Variants in ESYT1 observed in about 807,000 individuals in gnomAD.
ESYT1 encodes the protein extended synaptotagmin 1.
A neutral mutation model predicts 154.2 loss-of-function variants in ESYT1; 116 were observed. The observed-to-expected ratio is 0.75, with a 90% CI of 0.65 to 0.88. ESYT1 has a LOEUF of 0.88. Ranked by LOEUF, ESYT1 falls within the 40% of genes least tolerant of loss-of-function variation. The pLI is 0.00. For synonymous variants in ESYT1, 500 were observed against 539.9 expected, an observed-to-expected ratio of 0.93 and a Z score of 1.02; for missense variants, 1,264 against 1,379.3, an observed-to-expected ratio of 0.92 and a Z score of 1.32.
At chr12:56,132,130 G>A in intron 7 of ESYT1, 79 bp from the exon 8 acceptor site, 1 of 1,604,124 alleles carries the variant, frequency 6.2e-7, no homozygotes, top group Non-Finnish European at 8.5e-7. Context: ...GGTCTCTCTT[G>A]GGTGTGGGAA....
In ESYT1 at chr12:56,132,568, C is replaced by T. The variant is rs1870283797; in HGVS notation, c.1132C>T (p.Leu378Phe). The change falls in exon 9 of 31, where the codon CTC becomes TTC. Residue 378 changes from leucine to phenylalanine, a missense_variant. Transcript: ENST00000394048. ...CTGCAGTCGTGTCATTGATGAAGAACTCAACCCACAGTGGGGAGAGACTTA... is the reference window on the plus strand; with the variant it reads ...CTGCAGTCGTGTCATTGATGAAGAATTCAACCCACAGTGGGGAGAGACTTA... ...TFCSRVIDEE[L>F]NPQWGETYEV... The T allele has an allele frequency of 6.2e-7, 1 of 1,614,074 alleles. No individual in the cohort carries two copies. The highest frequency in any genetic ancestry group is 1.3e-5 in the African/African-American group (1 of 74,924).
At chr12:56,137,123 C>T in intron 16 of ESYT1, 95 bp from the exon 17 acceptor site, 3 of 1,499,020 alleles carry the variant, frequency 2.0e-6, no homozygotes, top group Middle Eastern at 1.9e-4. Context: ...CACCTAGTTC[C>T]CCTGTCACAG....
chr12:56,128,550 C>A lies in ESYT1; in HGVS notation c.231C>A (p.Ser77Arg), dbSNP rs755886706. 2.5e-6 allele frequency: 4 copies of A among 1,613,522 alleles called. No individual in the cohort carries two copies. Among genetic ancestry groups the A allele is most frequent in the Non-Finnish European group, 3.4e-6 (4 of 1,179,774 alleles). Residue 77 changes from serine (S) to arginine (R), a missense_variant, in exon 1 of 31, where the codon AGC becomes AGA. By Grantham distance (110) the Ser-to-Arg change is moderately radical. Coordinates refer to ENST00000394048, the MANE Select transcript of ESYT1 (RefSeq NM_015292.3). The stretch of plus-strand genomic sequence containing the variant: ...ATTTGGCCGGGGCAGTGGGACTCAG[C>A]GTGGGTTTCGTGCTCTTCGGCCTCG... The part of the protein sequence containing the change: ...PVYLAGAVGL[S>R]VGFVLFGLAL...
In ESYT1 at chr12:56,128,697, G is replaced by A. The variant is rs1870105706; in HGVS notation, c.378G>A (p.Glu126=). The stretch of plus-strand genomic sequence containing the variant: ...AAACTCTCTATATGAGTCATCGAGA[G>A]CTACCTGCCTGGGTGAGCGACCACC... The part of the protein sequence containing the change: ...TAKTLYMSHR[E]LPAWVSFPDV... The change falls in exon 1 of 31, where the codon GAG becomes GAA. Residue 126 remains glutamate, a synonymous_variant. Transcript: ENST00000394048. The A allele has an allele frequency of 1.2e-6, 2 of 1,613,752 alleles. No individual in the cohort carries two copies. Among genetic ancestry groups the A allele is most frequent in the Non-Finnish European group, 1.7e-6 (2 of 1,180,040 alleles).
rs759713789 is a variant in ESYT1, at chr12:56,133,775, C to T, written c.1381-6C>T. On this transcript the variant is annotated splice_polypyrimidine_tract_variant and splice_region_variant and intron_variant, in intron 12 of 30. Transcript: ENST00000394048. ...CCAAGATCTGACTACTACCACCCCT[C>T]CCCAGGTTCTACAGTGGAATTGGGG... 2.3e-5 allele frequency: 37 copies of T among 1,613,888 alleles called. No homozygotes were observed. The highest frequency in any genetic ancestry group is 3.1e-5 in the Non-Finnish European group (37 of 1,179,916).
chr12:56,135,462 G>A (rs1168134563), intron 15 of ESYT1, among the ~76,000 whole-genome samples: 5 of 151,402 alleles, frequency 3.3e-5, no homozygotes, highest in African/African-American at 4.8e-5. Flanking sequence ...GTGAGCCACC[G>A]TGCCCGGCCC....
intron 17 of ESYT1, 37 bp from the exon 18 acceptor site, chr12:56,137,462 C>A: frequency 6.2e-7 from 1 of 1,609,018 alleles, no homozygotes; most frequent in South Asian, 1.1e-5. Flanking sequence ...AGGTCTCTCT[C>A]CCTTTGCCAT....
Position 56,142,696 on chromosome 12 carries a change from C to G in ESYT1, c.2852C>G (p.Ala951Gly), listed in dbSNP as rs139477040. The G allele has an allele frequency of 4.5e-5, 72 of 1,613,958 alleles. No individual in the cohort carries two copies. In the African/African-American group the frequency reaches 9.1e-4, roughly 20 times the overall value. Residue 951 changes from alanine (A) to glycine (G), a missense_variant, in exon 26 of 31, where the codon GCC becomes GGC. Transcript: ENST00000394048. The surrounding 1 kb of genome is among the most constrained non-coding windows in gnomAD (Gnocchi z 4.1). Reference sequence around the variant, plus strand: ...GGACCCCCTCACATCACCTCCTCAGCCCCAGAGCTCCGGCAGCGCCTAACA... The same window carrying G: ...GGACCCCCTCACATCACCTCCTCAGGCCCAGAGCTCCGGCAGCGCCTAACA... ...SGGPPHITSS[A>G]PELRQRLTHV...
rs768169927 is a variant in ESYT1 at position 56,134,397 on chromosome 12, A to C, written c.1601A>C (p.Gln534Pro). Residue 534 changes from glutamine to proline, a missense_variant, in exon 15 of 31, where the codon CAA becomes CCA. Coordinates refer to ENST00000394048, the MANE Select transcript of ESYT1 (RefSeq NM_015292.3). ...VWEEAFRFFL[Q>P]DPQSQELDVQ... ...GAGGAAGCGTTCCGGTTCTTCCTACAAGACCCTCAAAGCCAGGAGCTCGAT... is the reference window on the plus strand; with the variant it reads ...GAGGAAGCGTTCCGGTTCTTCCTACCAGACCCTCAAAGCCAGGAGCTCGAT... The C allele has an allele frequency of 3.1e-5, 50 of 1,614,026 alleles. No homozygotes were observed. Among genetic ancestry groups the C allele is most frequent in the Non-Finnish European group, 4.2e-5 (49 of 1,180,026 alleles).
At chr12:56,132,868 C>G (rs540220340) in intron 10 of ESYT1, 67 bp downstream of exon 10, 2 of 1,422,884 alleles carry the variant, frequency 1.4e-6, no homozygotes, top group Non-Finnish European at 2.0e-6. Context: ...TGCCTGTAAT[C>G]CCAGCACTTT....
At position 56,133,471 on chromosome 12, in the gene ESYT1, T is replaced by G; in HGVS notation, c.1293+6T>G. ...AGGCTAGCGTTCTGGATGATGTAAG[T>G]TGGGAGAAGAGGAAGGTGGGGGCTG... On this transcript the variant is annotated splice_donor_region_variant and intron_variant, in intron 11 of 30. Coordinates refer to ENST00000394048, the MANE Select transcript of ESYT1 (RefSeq NM_015292.3). 6.2e-7 allele frequency: 1 copy of G among 1,614,150 alleles called. No homozygotes were observed. The highest frequency in any genetic ancestry group is 8.5e-7 in the Non-Finnish European group (1 of 1,180,026).
At chr12:56,141,217 T>A (rs1447774905) in intron 24 of ESYT1, among the ~76,000 whole-genome samples, 1 of 152,178 alleles carries the variant, frequency 6.6e-6, no homozygotes, top group South Asian at 2.1e-4. Flanking sequence ...TGTAACTTAA[T>A]GCTAGCAGAG....
chr12:56,143,653 A>G (rs1592251392), intron 30 of ESYT1, 24 bp downstream of exon 30: 1 of 1,613,860 alleles, frequency 6.2e-7, no homozygotes, highest in Non-Finnish European at 8.5e-7. Context: ...TGGGTGGGGG[A>G]TGGTCTGGAT....
At chr12:56,133,130 A>AAAAT (rs1158772019) in intron 10 of ESYT1, among the ~76,000 whole-genome samples, 1 of 152,018 alleles carries the variant, frequency 6.6e-6, no homozygotes, top group African/African-American at 2.4e-5. Context: ...CTAAAGAAAA[A>AAAAT]AAATAAAAAT....
At position 56,144,119 on chromosome 12, in the gene ESYT1, T is replaced by C; in HGVS notation, c.*257T>C. The C allele has an allele frequency of 7.1e-7, 1 of 1,405,044 alleles. No homozygotes were observed. Among genetic ancestry groups the C allele is most frequent in the Non-Finnish European group, 9.2e-7 (1 of 1,081,402 alleles). The allele number at this position is 1,405,044 out of a possible 1,614,324, so 87.0% of individuals were successfully genotyped here. A position where few individuals can be genotyped will look rare whatever the true frequency, so the allele number is the denominator to read the frequency against. ...GGCTGTTTCCTGCTTTGCCTGCACATTGTTCTCCCTTCCTCCCAACTCCTC... is the reference window on the plus strand; with the variant it reads ...GGCTGTTTCCTGCTTTGCCTGCACACTGTTCTCCCTTCCTCCCAACTCCTC... On this transcript the variant is annotated 3_prime_UTR_variant, in exon 31 of 31. Coordinates refer to ENST00000394048, the MANE Select transcript of ESYT1 (RefSeq NM_015292.3).
chr12:56,130,215 A>C, intron 1 of ESYT1: 1 of 347,652 alleles, frequency 2.9e-6, no homozygotes. Flanking sequence ...CCAGCCTGGA[A>C]CCAGGACTTT....
At position 56,134,401 on chromosome 12, in the gene ESYT1, C is replaced by A. The variant is rs193251724; in HGVS notation, c.1605C>A (p.Asp535Glu). ...AAGCGTTCCGGTTCTTCCTACAAGACCCTCAAAGCCAGGAGCTCGATGTGC... is the reference window on the plus strand; with the variant it reads ...AAGCGTTCCGGTTCTTCCTACAAGAACCTCAAAGCCAGGAGCTCGATGTGC... ...WEEAFRFFLQ[D>E]PQSQELDVQV... Residue 535 changes from aspartate to glutamate, a missense_variant, in exon 15 of 31, where the codon GAC becomes GAA. By Grantham distance (45) the Asp-to-Glu change is conservative (BLOSUM62 2). Coordinates refer to ENST00000394048, the MANE Select transcript of ESYT1 (RefSeq NM_015292.3). 3.7e-5 allele frequency: 60 copies of A among 1,614,148 alleles called. 1 individual carries two copies. The Admixed American group carries it at 9.2e-4, about 25-fold the overall frequency.
In ESYT1 at chr12:56,142,497, G is replaced by C; in HGVS notation, c.2733+72G>C. 6.2e-7 allele frequency: 1 copy of C among 1,608,696 alleles called. No homozygotes were observed. Among genetic ancestry groups the C allele is most frequent in the South Asian group, 1.1e-5 (1 of 90,710 alleles). On this transcript the variant is annotated intron_variant, in intron 25 of 30. Transcript: ENST00000394048. This position sits in a 1 kb window ranked among gnomAD's most constrained non-coding sequence, Gnocchi z 4.1. ...GCCTTCACAGGTGAGGGACACCCAG[G>C]AGGGTGGGAACAGAGGGCCGTGTCC...
Position 56,142,529 on chromosome 12 carries a change from T to C in ESYT1, c.2734-49T>C. The C allele has an allele frequency of 6.2e-7, 1 of 1,612,942 alleles. No homozygotes were observed. The highest frequency in any genetic ancestry group is 8.5e-7 in the Non-Finnish European group (1 of 1,179,456). On this transcript the variant is annotated intron_variant, in intron 25 of 30. Transcript: ENST00000394048. This position sits in a 1 kb window ranked among gnomAD's most constrained non-coding sequence, Gnocchi z 4.1. ...GGAACAGAGGGCCGTGTCCTTAGAG[T>C]GAGGGAACTGAGAGAACTCTGCCCA...
Sources: gnomAD v4.1 joint callset for allele counts (sites outside exome capture counted in the v4.1 genomes callset) on GRCh38, gnomAD v4.1.1 for gene constraint, Gnocchi (gnomAD v3.1) non-coding constraint, MANE v1.5 for transcripts, NCBI Gene and HGNC (gene_info 2026-07-23, HGNC 2026-07-21) for gene names.